ZNF445: variants seen among roughly 807,000 people sequenced by gnomAD.
ZNF445 encodes zinc finger protein 445.
In ZNF445, 19 loss-of-function variants were observed where a neutral mutation model predicts 93.9. That is an observed-to-expected ratio of 0.20 (90% confidence interval 0.14 to 0.30). ZNF445 has a LOEUF of 0.30. Ranked by LOEUF, ZNF445 falls within the 10% of genes least tolerant of loss-of-function variation. The pLI, the probability that ZNF445 is intolerant of heterozygous loss-of-function variation, is 1.00. For missense variants in ZNF445, 1,058 were observed against 1,259.4 expected, an observed-to-expected ratio of 0.84 and a Z score of 2.42; for synonymous variants, 449 against 446.3, an observed-to-expected ratio of 1.01 and a Z score of -0.08.
chr3:44,474,889 T>C (rs995947663), intron 1 of ZNF445, among the ~76,000 whole-genome samples: 5 of 152,042 alleles, frequency 3.3e-5, no homozygotes, highest in African/African-American at 4.8e-5. Context: ...CCTAGTACTT[T>C]GGACGGCCGA....
intron 1 of ZNF445, among the ~76,000 whole-genome samples, chr3:44,474,570 G>C (rs763474505): frequency 6.6e-6 from 1 of 152,142 alleles, no homozygotes; most frequent in South Asian, 2.1e-4. Context: ...TTCTTCAGAA[G>C]TGTTTTGAAA....
chr3:44,453,146 T>A (rs1697978603), intron 3 of ZNF445, among the ~76,000 whole-genome samples: 1 of 152,004 alleles, frequency 6.6e-6, no homozygotes, highest in South Asian at 2.1e-4. Context: ...TCTCTTGACC[T>A]TGTGATCTGC....
intron 7 of ZNF445, among the ~76,000 whole-genome samples, chr3:44,449,198 G>C (rs1281707860): frequency 2.6e-5 from 4 of 152,224 alleles, no homozygotes; most frequent in African/African-American, 9.6e-5. Flanking sequence ...AGTTCAGCAG[G>C]AGTGCAGGCC....
At chr3:44,470,804 G>A (rs1302384950) in intron 1 of ZNF445, among the ~76,000 whole-genome samples, 1 of 152,148 alleles carries the variant, frequency 6.6e-6, no homozygotes, top group East Asian at 1.9e-4. Flanking sequence ...GCAACTCGTA[G>A]GATTGAAGAT....
At position 44,446,924 on chromosome 3, in the gene ZNF445, C is replaced by G; in HGVS notation, c.2747G>C (p.Arg916Thr). ...IGRHTLSSHQRKHTRAAQAER... is the reference protein window; with the variant it reads ...IGRHTLSSHQTKHTRAAQAER... The stretch of plus-strand genomic sequence containing the variant: ...AGCCTGTGCTGCTCTGGTGTGTTTC[C>G]TCTGGTGACTGGAAAGGGTATGTCT... The change falls in exon 8 of 8, where the codon AGG (arginine) becomes ACG (threonine). Residue 916 changes from arginine to threonine, a missense_variant. Physicochemically the swap from Arg to Thr is moderately conservative, Grantham distance 71. Coordinates refer to ENST00000396077, the MANE Select transcript of ZNF445 (RefSeq NM_181489.6). The surrounding 1 kb of genome is among the most constrained non-coding windows in gnomAD (Gnocchi z 4.2). 1 of 1,614,112 alleles carries G rather than the reference C, an allele frequency of 6.2e-7. No individual in the cohort carries two copies. The highest frequency in any genetic ancestry group is 2.2e-5 in the East Asian group (1 of 44,872).
At chr3:44,469,643 G>A (rs1698238970) in intron 1 of ZNF445, among the ~76,000 whole-genome samples, 1 of 151,866 alleles carries the variant, frequency 6.6e-6, no homozygotes, top group Admixed American at 6.6e-5. Context: ...GAGACGTACA[G>A]CTGTAATCCC....
At position 44,449,498 on chromosome 3, in the gene ZNF445, T is replaced by C. The variant is rs368792844; in HGVS notation, c.931+15A>G. The C allele has an allele frequency of 3.1e-5, 50 of 1,605,958 alleles. No homozygotes were observed. In the African/African-American group the frequency reaches 4.8e-4, roughly 15 times the overall value. ...AGCAGGAGGAGCAGGACCTGGCAGG[T>C]TCTCTGGAACTCACCTGTAGGAGCA... On this transcript the variant is annotated intron_variant, in intron 7 of 7. Transcript: ENST00000396077.
At chr3:44,465,771 G>A (rs1356894823) in intron 1 of ZNF445, among the ~76,000 whole-genome samples, 3 of 152,158 alleles carry the variant, frequency 2.0e-5, no homozygotes, top group Non-Finnish European at 2.9e-5. Flanking sequence ...AAAATTAGCC[G>A]GGTGCAATGG....
At position 44,455,318 on chromosome 3, in the gene ZNF445, C is replaced by T; in HGVS notation, c.232G>A (p.Glu78Lys). The change falls in exon 3 of 8, where the codon GAA becomes AAA. Residue 78 changes from glutamate (E) to lysine (K), a missense_variant. Transcript: ENST00000396077. ...GGCCTCAGCCACCAGCGACAGAGTT[C>T]CCGGAGCCGGCTCAGAGTTTCTAGG... ...GPLETLSRLR[E>K]LCRWWLRPDV... 1 of 1,614,006 alleles carries T rather than the reference C, an allele frequency of 6.2e-7. No homozygotes were observed. Among genetic ancestry groups the T allele is most frequent in the South Asian group, 1.1e-5 (1 of 91,080 alleles).
At chr3:44,465,892 C>T (rs1698186378) in intron 1 of ZNF445, among the ~76,000 whole-genome samples, 2 of 152,110 alleles carry the variant, frequency 1.3e-5, no homozygotes, top group Non-Finnish European at 2.9e-5. Context: ...CCAGACTGGG[C>T]TACAGAGTAA....
At chr3:44,453,499 T>C (rs895740860) in intron 3 of ZNF445, among the ~76,000 whole-genome samples, 2 of 151,916 alleles carry the variant, frequency 1.3e-5, no homozygotes, top group African/African-American at 4.8e-5. Flanking sequence ...TTCACCATGT[T>C]GGCCAGGCTA....
At chr3:44,461,891 G>T (rs971410470) in intron 1 of ZNF445, among the ~76,000 whole-genome samples, 2 of 152,174 alleles carry the variant, frequency 1.3e-5, no homozygotes, top group African/African-American at 4.8e-5. Context: ...GCAGTGAGCA[G>T]GGTCATCAGA....
intron 1 of ZNF445, among the ~76,000 whole-genome samples, chr3:44,472,313 C>T (rs1280156793): frequency 1.3e-5 from 2 of 152,234 alleles, no homozygotes; most frequent in Admixed American, 6.5e-5. Flanking sequence ...GAAGCAGCTG[C>T]TGCACAAATG....
At chr3:44,457,977 C>T (rs1157382528) in intron 2 of ZNF445, among the ~76,000 whole-genome samples, 2 of 139,592 alleles carry the variant, frequency 1.4e-5, no homozygotes, top group African/African-American at 5.4e-5. Context: ...CACACTACTG[C>T]ACTCCAGCCT....
Position 44,432,603 on chromosome 3 carries a change from CAGAT to C in ZNF445, c.*13968_*13971del. ...CAGGTGATTGGATGAAGCCCACCCA[CAGAT>C]AGAGGGCAATCTGCTTTCCTCAAAG... On this transcript the variant is annotated 3_prime_UTR_variant, in exon 8 of 8. Coordinates refer to ENST00000396077, the MANE Select transcript of ZNF445 (RefSeq NM_181489.6). 1 of 152,318 alleles carries C rather than the reference CAGAT, an allele frequency of 6.6e-6. No homozygotes were observed. The highest frequency in any genetic ancestry group is 6.5e-5 in the Admixed American group (1 of 15,292). 9.4% of individuals were successfully genotyped at this position (152,318 alleles called of 1,614,324 possible).
chr3:44,449,710 G>C (rs890641714), intron 6 of ZNF445, 87 bp from the exon 7 acceptor site: 1 of 1,110,494 alleles, frequency 9.0e-7, no homozygotes, highest in African/African-American at 1.5e-5. Flanking sequence ...GTCCTGGTGG[G>C]AAGGTGGGAA....
Position 44,446,756 on chromosome 3 carries a change from C to G in ZNF445, c.2915G>C (p.Ser972Thr). Residue 972 changes from serine to threonine, a missense_variant, in exon 8 of 8, where the codon AGC (serine) becomes ACC (threonine). Coordinates refer to ENST00000396077, the MANE Select transcript of ZNF445 (RefSeq NM_181489.6). This position sits in a 1 kb window ranked among gnomAD's most constrained non-coding sequence, Gnocchi z 4.2. ...GCATTTGTGGCACTTTTTCCCAATG[C>G]TTATGTCCTGGAGTCCAGTGAGCCT... is the stretch of plus-strand genomic sequence containing the variant. ...SSRLTGLQDI[S>T]IGKKCHKCSI... The G allele has an allele frequency of 1.2e-6, 2 of 1,614,176 alleles. No homozygotes were observed. Among genetic ancestry groups the G allele is most frequent in the Non-Finnish European group, 1.7e-6 (2 of 1,180,030 alleles).
Position 44,450,979 on chromosome 3 carries a change from C to T in ZNF445, c.599-17G>A. 3.2e-6 allele frequency: 5 copies of T among 1,553,964 alleles called. No individual in the cohort carries two copies. Among genetic ancestry groups the T allele is most frequent in the Non-Finnish European group, 4.3e-6 (5 of 1,150,330 alleles). ...CAGGAGTATCTGAAGGAGAAAAAGC[C>T]ATGAGAGAGCGGCTCAGCTCTGGAC... is the stretch of plus-strand genomic sequence containing the variant. On this transcript the variant is annotated splice_polypyrimidine_tract_variant and intron_variant, in intron 4 of 7. Coordinates refer to ENST00000396077, the MANE Select transcript of ZNF445 (RefSeq NM_181489.6).
intron 1 of ZNF445, among the ~76,000 whole-genome samples, chr3:44,458,818 T>C (rs1293743833): frequency 2.0e-5 from 3 of 152,152 alleles, no homozygotes; most frequent in Non-Finnish European, 4.4e-5. Flanking sequence ...TTGTATCGGA[T>C]TGTAGGTCAT....
Sources: allele counts gnomAD v4.1 joint callset (sites outside exome capture counted in the v4.1 genomes callset), GRCh38; gene constraint gnomAD v4.1.1; non-coding constraint Gnocchi (gnomAD v3.1); transcripts MANE v1.5; gene names NCBI Gene and HGNC (gene_info 2026-07-23, HGNC 2026-07-21).